The following FSTL5 variants were observed in gnomAD, a reference collection of about 807,000 sequenced individuals.
FSTL5 encodes follistatin like 5.
A neutral mutation model predicts 89.1 loss-of-function variants in FSTL5; 62 were observed. That is an observed-to-expected ratio of 0.70 (90% confidence interval 0.57 to 0.86). The LOEUF is 0.86. FSTL5 is among the 40% of genes least tolerant of loss of function. FSTL5 has a pLI of 0.00. For synonymous variants in FSTL5, 383 were observed against 346.2 expected (o/e 1.11, Z -1.18); for missense variants, 1,057 against 1,001.6 (o/e 1.06, Z -0.75).
intron 3 of FSTL5, among the ~76,000 whole-genome samples, chr4:162,015,484 C>T (rs919146971): frequency 2.0e-5 from 3 of 152,162 alleles, no homozygotes; most frequent in Non-Finnish European, 4.4e-5. Flanking sequence ...CAGTAACGTG[C>T]CATGCCACAC....
intron 2 of FSTL5, among the ~76,000 whole-genome samples, chr4:162,085,065 T>C (rs1730256452): frequency 6.6e-6 from 1 of 151,984 alleles, no homozygotes; most frequent in Non-Finnish European, 1.5e-5. Flanking sequence ...ATAACAGCTG[T>C]TACAAGCTGT....
At chr4:162,007,816 C>T (rs1189266578) in intron 3 of FSTL5, among the ~76,000 whole-genome samples, 1 of 151,696 alleles carries the variant, frequency 6.6e-6, no homozygotes, top group Admixed American at 6.6e-5. Flanking sequence ...GTAACACGGG[C>T]ATAAATATTA....
intron 12 of FSTL5, among the ~76,000 whole-genome samples, chr4:161,491,036 T>C (rs1369970816): frequency 6.6e-6 from 1 of 152,010 alleles, no homozygotes; most frequent in Non-Finnish European, 1.5e-5. Flanking sequence ...CACGTTATCT[T>C]TGTCCATTAC....
chr4:161,557,227 T>C (rs185451535), intron 8 of FSTL5, among the ~76,000 whole-genome samples: 4 of 151,606 alleles, frequency 2.6e-5, no homozygotes, highest in Admixed American at 2.0e-4. Flanking sequence ...TTAAAAATTA[T>C]ATATAAATCA....
At chr4:161,623,928 T>C (rs1183969374) in intron 7 of FSTL5, among the ~76,000 whole-genome samples, 1 of 152,026 alleles carries the variant, frequency 6.6e-6, no homozygotes, top group Non-Finnish European at 1.5e-5. Context: ...TTATTAATTC[T>C]TTTTAAAGAA....
At chr4:161,813,889 CTT>C (rs1429545360) in intron 4 of FSTL5, among the ~76,000 whole-genome samples, 1 of 151,716 alleles carries the variant, frequency 6.6e-6, no homozygotes. Flanking sequence ...TTCTGTGTCT[CTT>C]TTTAAAATTT....
intron 7 of FSTL5, among the ~76,000 whole-genome samples, chr4:161,633,450 G>A (rs1254950504): frequency 2.6e-5 from 4 of 151,824 alleles, no homozygotes; most frequent in Non-Finnish European, 4.4e-5. Context: ...GGGTTCAAGT[G>A]ATTCTCCTGC....
intron 6 of FSTL5, among the ~76,000 whole-genome samples, chr4:161,753,207 A>G (rs1405321208): frequency 6.6e-6 from 1 of 152,136 alleles, no homozygotes; most frequent in African/African-American, 2.4e-5. Context: ...TTGAACCACA[A>G]TATTCTCCAA....
chr4:161,706,483 G>C (rs1167869621), intron 6 of FSTL5, among the ~76,000 whole-genome samples: 1 of 151,940 alleles, frequency 6.6e-6, no homozygotes, highest in African/African-American at 2.4e-5. Context: ...ATAAGTGCTA[G>C]AAAGAAGACT....
intron 4 of FSTL5, among the ~76,000 whole-genome samples, chr4:161,815,314 C>T (rs1003808073): frequency 1.1e-4 from 16 of 152,020 alleles, no homozygotes; most frequent in African/African-American, 3.1e-4. Flanking sequence ...ATGATAATTT[C>T]AGCTGATATG....
At chr4:161,892,323 A>C (rs990559970) in intron 4 of FSTL5, among the ~76,000 whole-genome samples, 7 of 152,014 alleles carry the variant, frequency 4.6e-5, no homozygotes, top group African/African-American at 1.7e-4. Context: ...TTAAGGTTAA[A>C]TTGTTTTAGG....
At chr4:161,814,199 G>T (rs925867450) in intron 4 of FSTL5, among the ~76,000 whole-genome samples, 7 of 152,054 alleles carry the variant, frequency 4.6e-5, no homozygotes, top group Non-Finnish European at 7.4e-5. Context: ...TGAAAGTAGA[G>T]AGAAAATTAG....
intron 3 of FSTL5, among the ~76,000 whole-genome samples, chr4:161,938,058 T>A (rs1159495332): frequency 6.6e-6 from 1 of 152,134 alleles, no homozygotes; most frequent in Non-Finnish European, 1.5e-5. Context: ...TACTCTTCCT[T>A]ACATCACTTT....
Position 161,920,564 on chromosome 4 carries a change from C to A in FSTL5, c.249G>T (p.Gly83=). The A allele has an allele frequency of 6.2e-7, 1 of 1,613,946 alleles. No homozygotes were observed. Among genetic ancestry groups the A allele is most frequent in the Non-Finnish European group, 8.5e-7 (1 of 1,179,942 alleles). Residue 83 remains glycine, a synonymous_variant, in exon 4 of 16, where the codon GGG becomes GGT. Transcript: ENST00000306100. ...GGTCCATACAGGCACATTCTGCTTG[C>A]CCTGTCTCTCTGCTGGTAACACAGT... is the stretch of plus-strand genomic sequence containing the variant. ...GRHCVTSRET[G]QAECACMDLC...
intron 2 of FSTL5, among the ~76,000 whole-genome samples, chr4:162,060,976 C>T (rs1008136183): frequency 5.9e-5 from 9 of 152,106 alleles, no homozygotes; most frequent in East Asian, 3.9e-4. Flanking sequence ...AAACATTTGA[C>T]GCTGCATTTG....
chr4:161,617,962 A>T (rs2126642315), intron 7 of FSTL5, among the ~76,000 whole-genome samples: 1 of 152,242 alleles, frequency 6.6e-6, no homozygotes, highest in South Asian at 2.1e-4. Flanking sequence ...TGAGCATGGA[A>T]TGTTCTTCCA....
chr4:161,703,018 A>G (rs1419977567), intron 6 of FSTL5, among the ~76,000 whole-genome samples: 1 of 152,042 alleles, frequency 6.6e-6, no homozygotes, highest in Non-Finnish European at 1.5e-5. Flanking sequence ...TAAGAGGAGG[A>G]GATTATGACA....
At chr4:161,744,160 T>G (rs1299790399) in intron 6 of FSTL5, among the ~76,000 whole-genome samples, 7 of 152,082 alleles carry the variant, frequency 4.6e-5, no homozygotes, top group Admixed American at 4.6e-4. Context: ...ACTGAACGTA[T>G]GTATGGTCAG....
In FSTL5 at chr4:161,542,701, A is replaced by G; in HGVS notation, c.1016-8T>C. 1 of 1,424,816 alleles carries G rather than the reference A, an allele frequency of 7.0e-7. No individual in the cohort carries two copies. The highest frequency in any genetic ancestry group is 9.3e-7 in the Non-Finnish European group (1 of 1,080,922). The allele number at this position is 1,424,816 out of a possible 1,614,324, so 88.3% of individuals were successfully genotyped here. On this transcript the variant is annotated splice_region_variant and splice_polypyrimidine_tract_variant and intron_variant, in intron 8 of 15. Transcript: ENST00000306100. ...CCCGGATGACTGGAGGAACTAAAGG[A>G]AAAAATGAAAGAGAAAGTGAATTAG...
Sources: gnomAD v4.1 joint callset for allele counts (sites outside exome capture counted in the v4.1 genomes callset) on GRCh38, gnomAD v4.1.1 for gene constraint, MANE v1.5 for transcripts, NCBI Gene and HGNC (gene_info 2026-07-23, HGNC 2026-07-21) for gene names.